The following AMOTL1 variants were observed in gnomAD, a reference collection of about 807,000 sequenced individuals.
The protein encoded by AMOTL1 is angiomotin like 1.
AMOTL1 carries 45 observed loss-of-function variants against 102.9 expected under a neutral mutation model. The observed-to-expected ratio is 0.44, with a 90% CI of 0.34 to 0.56. The LOEUF (loss-of-function observed/expected upper bound fraction) is 0.56. Ranked by LOEUF, AMOTL1 falls within the 20% of genes least tolerant of loss-of-function variation. The pLI is 0.01. For synonymous variants in AMOTL1, 481 were observed against 484.7 expected, an observed-to-expected ratio of 0.99 and a Z score of 0.10; for missense variants, 1,114 against 1,225.6, an observed-to-expected ratio of 0.91 and a Z score of 1.36.
At chr11:94,870,601 TATCGGACGTGGGTCC>T in intron 12 of AMOTL1, 73 bp from the exon 13 acceptor site, 1 of 907,324 alleles carries the variant, frequency 1.1e-6, no homozygotes, top group Non-Finnish European at 1.7e-6. Flanking sequence ...TGTGCAGTGG[TATCGGACGTGGGTCC>T]ATTTTAGAGA....
Position 94,870,732 on chromosome 11 carries a change from G to C in AMOTL1, c.2808G>C (p.Arg936=). ...GGAAGTCGCCTGACCACAGAGGCCG[G>C]GTCAGCAGCTTGCTGCACAAGCCCG... is the stretch of plus-strand genomic sequence containing the variant. ...GHGKSPDHRG[R]VSSLLHKPEF... Residue 936 remains arginine (R), a synonymous_variant, in exon 13 of 13, where the codon CGG becomes CGC. Coordinates refer to ENST00000433060, the MANE Select transcript of AMOTL1 (RefSeq NM_130847.3). 3.1e-6 allele frequency: 5 copies of C among 1,604,714 alleles called. No homozygotes were observed. Among genetic ancestry groups the C allele is most frequent in the Middle Eastern group, 1.7e-4 (1 of 6,054 alleles).
In AMOTL1 at chr11:94,864,720, T is replaced by A; in HGVS notation, c.2136-15T>A. Reference sequence around the variant, plus strand: ...AAGGTTTCCTATGATCAAACGCATATCCTTGTGTTGCCAGGGACACCACGA... The same window carrying A: ...AAGGTTTCCTATGATCAAACGCATAACCTTGTGTTGCCAGGGACACCACGA... On this transcript the variant is annotated splice_polypyrimidine_tract_variant and intron_variant, in intron 9 of 12. Transcript: ENST00000433060. 6.2e-7 allele frequency: 1 copy of A among 1,611,932 alleles called. No homozygotes were observed. The highest frequency in any genetic ancestry group is 8.5e-7 in the Non-Finnish European group (1 of 1,178,678).
chr11:94,789,724 GA>G (rs751315246), intron 1 of AMOTL1, among the ~76,000 whole-genome samples: 2 of 152,214 alleles, frequency 1.3e-5, no homozygotes, highest in South Asian at 4.1e-4. Context: ...GCCGGAATCA[GA>G]AGGCTTGATG....
At chr11:94,829,304 C>A in intron 4 of AMOTL1, among the ~76,000 whole-genome samples, 1 of 150,946 alleles carries the variant, frequency 6.6e-6, no homozygotes. Context: ...CTCACTGCAA[C>A]CTTCGCCTCC....
intron 1 of AMOTL1, among the ~76,000 whole-genome samples, chr11:94,718,407 TAA>T (rs1284588932): frequency 1.3e-5 from 2 of 152,074 alleles, no homozygotes; most frequent in East Asian, 1.9e-4. Flanking sequence ...ACTTATTTTG[TAA>T]TTGCTTTCTG....
At chr11:94,783,040 A>T (rs955084087) in intron 1 of AMOTL1, among the ~76,000 whole-genome samples, 2 of 152,320 alleles carry the variant, frequency 1.3e-5, no homozygotes, top group Middle Eastern at 3.4e-3. Flanking sequence ...ACAATAACTC[A>T]TTGGGTCCTC....
chr11:94,710,652 C>A (rs1950009527), intron 1 of AMOTL1, among the ~76,000 whole-genome samples: 2 of 152,186 alleles, frequency 1.3e-5, no homozygotes, highest in Non-Finnish European at 2.9e-5. Flanking sequence ...CCCAGAGCTT[C>A]AGTTGGTCAT....
intron 11 of AMOTL1, among the ~76,000 whole-genome samples, chr11:94,868,138 A>G (rs144689214): frequency 6.6e-6 from 1 of 152,204 alleles, no homozygotes; most frequent in African/African-American, 2.4e-5. Context: ...TTTTAACGGT[A>G]TAGCCAAGTC....
At chr11:94,739,409 G>A (rs1488878665) in intron 2 of AMOTL1, among the ~76,000 whole-genome samples, 1 of 152,144 alleles carries the variant, frequency 6.6e-6, no homozygotes, top group African/African-American at 2.4e-5. Context: ...TGCCTTGCTT[G>A]GGGAGGACAG....
At position 94,871,265 on chromosome 11, in the gene AMOTL1, A is replaced by G. The variant is rs1952990576; in HGVS notation, c.*470A>G. ...TAATGCAGTGTCACCTGTGCCAACC[A>G]TGGGGTGTCCCGTGAGTGTGAGTGT... is the stretch of plus-strand genomic sequence containing the variant. On this transcript the variant is annotated 3_prime_UTR_variant, in exon 13 of 13. Coordinates refer to ENST00000433060, the MANE Select transcript of AMOTL1 (RefSeq NM_130847.3). 6.6e-6 allele frequency: 1 copy of G among 152,580 alleles called. No individual in the cohort carries two copies. Among genetic ancestry groups the G allele is most frequent in the Non-Finnish European group, 1.5e-5 (1 of 68,318 alleles). 9.5% of individuals were successfully genotyped at this position (152,580 alleles called of 1,614,324 possible). A position where few individuals can be genotyped will look rare whatever the true frequency, so the allele number is the denominator to read the frequency against.
Position 94,869,358 on chromosome 11 carries a change from C to T in AMOTL1, c.2649C>T (p.Ala883=), listed in dbSNP as rs574065556. The T allele has an allele frequency of 7.5e-6, 12 of 1,610,240 alleles. No individual in the cohort carries two copies. The highest frequency in any genetic ancestry group is 1.6e-4 in the Middle Eastern group (1 of 6,084). The change falls in exon 12 of 13, where the codon GCC becomes GCT. Residue 883 remains alanine (A), a synonymous_variant. Transcript: ENST00000433060. ...GCAGCACACAGACTGACAAGAGTGC[C>T]GAGCTCTTCTGGCCCAGCATGGCCT... ...KDSSTQTDKS[A]ELFWPSMASL...
chr11:94,869,079 G>T (rs532373299), intron 11 of AMOTL1, 119 bp from the exon 12 acceptor site: 1 of 1,194,780 alleles, frequency 8.4e-7, no homozygotes, highest in East Asian at 2.6e-5. Flanking sequence ...AATGCTTGGG[G>T]AATGAATCAA....
chr11:94,812,462 G>A (rs1234515325), intron 3 of AMOTL1, among the ~76,000 whole-genome samples: 1 of 152,064 alleles, frequency 6.6e-6, no homozygotes, highest in Non-Finnish European at 1.5e-5. Flanking sequence ...AAGAATAGTC[G>A]CTTATGCCTT....
chr11:94,829,535 C>A (rs558025931), intron 4 of AMOTL1, among the ~76,000 whole-genome samples: 7 of 152,180 alleles, frequency 4.6e-5, no homozygotes, highest in Non-Finnish European at 8.8e-5. Context: ...ATTTTATAGA[C>A]AAAGGAATAA....
chr11:94,710,024 G>A (rs1949997649), intron 1 of AMOTL1, among the ~76,000 whole-genome samples: 1 of 152,090 alleles, frequency 6.6e-6, no homozygotes, highest in South Asian at 2.1e-4. Flanking sequence ...ATAAAATCAG[G>A]GAAAAAACAT....
chr11:94,741,072 A>G, intron 3 of AMOTL1: 1 of 1,123,414 alleles, frequency 8.9e-7, no homozygotes, highest in East Asian at 5.8e-5. Flanking sequence ...ATAGGAACTC[A>G]GCTAGGGATG....
chr11:94,870,921 C>A lies in AMOTL1; in HGVS notation c.*126C>A. On this transcript the variant is annotated 3_prime_UTR_variant, in exon 13 of 13. Transcript: ENST00000433060. The stretch of plus-strand genomic sequence containing the variant: ...GATTTGAACTGATAAAGATTTCAGA[C>A]TCATAAGAACACATTTTATAAATGT... 1 of 669,926 alleles carries A rather than the reference C, an allele frequency of 1.5e-6. No individual in the cohort carries two copies. The highest frequency in any genetic ancestry group is 2.4e-6 in the Non-Finnish European group (1 of 419,902). 41.5% of individuals were successfully genotyped at this position (669,926 alleles called of 1,614,324 possible).
Position 94,853,989 on chromosome 11 carries a change from C to A in AMOTL1, c.1851C>A (p.Thr617=). 1 of 1,601,734 alleles carries A rather than the reference C, an allele frequency of 6.2e-7. No homozygotes were observed. The change falls in exon 8 of 13, where the codon ACC becomes ACA. Residue 617 remains threonine, a synonymous_variant. Coordinates refer to ENST00000433060, the MANE Select transcript of AMOTL1 (RefSeq NM_130847.3). ...EKVEKLQQAL[T]QLQSACEKRE... is the part of the protein sequence containing the mutation. The stretch of plus-strand genomic sequence containing the variant: ...TTGAGAAGCTGCAGCAGGCCCTGAC[C>A]CAGCTGCAGTCTGCATGTGAGAAGC...
chr11:94,712,700 G>T (rs936982430), intron 1 of AMOTL1, among the ~76,000 whole-genome samples: 4 of 151,872 alleles, frequency 2.6e-5, no homozygotes, highest in African/African-American at 9.7e-5. Flanking sequence ...TTTCACTGTT[G>T]AGTGTTGTGA....
Sources: gnomAD v4.1 joint callset for allele counts (sites outside exome capture counted in the v4.1 genomes callset) on GRCh38, gnomAD v4.1.1 for gene constraint, MANE v1.5 for transcripts, NCBI Gene and HGNC (gene_info 2026-07-23, HGNC 2026-07-21) for gene names.